The following PSMA8 variants were observed in gnomAD, a reference collection of about 807,000 sequenced individuals.
PSMA8 encodes proteasome subunit alpha-type 8.
PSMA8 carries 18 observed loss-of-function variants against 32.4 expected under a neutral mutation model. That is an observed-to-expected ratio of 0.56 (90% CI 0.38 to 0.82). PSMA8 has a LOEUF of 0.82. PSMA8 is among the 40% of genes least tolerant of loss of function. The probability of loss-of-function intolerance (pLI) is 0.00; values close to 1 mark genes in which losing one functional copy is unlikely to be tolerated. For synonymous variants in PSMA8, 104 were observed against 98.1 expected (o/e 1.06, Z -0.36); for missense variants, 298 against 300.7 (o/e 0.99, Z 0.07).
intron 4 of PSMA8, among the ~76,000 whole-genome samples, chr18:26,161,162 A>T (rs556773648): frequency 6.6e-6 from 1 of 152,182 alleles, no homozygotes; most frequent in African/African-American, 2.4e-5. Context: ...TGATAGAAAC[A>T]TCCTCCCCAC....
intron 4 of PSMA8, among the ~76,000 whole-genome samples, chr18:26,164,319 G>A (rs1330295803): frequency 6.6e-6 from 1 of 152,072 alleles, no homozygotes; most frequent in Admixed American, 6.6e-5. Context: ...GGAGAGGGAC[G>A]ATCAAGAATC....
At chr18:26,184,729 G>C (rs1013867480) in intron 6 of PSMA8, among the ~76,000 whole-genome samples, 2 of 143,832 alleles carry the variant, frequency 1.4e-5, no homozygotes, top group Admixed American at 1.4e-4. Context: ...TGTCGAGATA[G>C]CGCCACTGCA....
intron 1 of PSMA8, among the ~76,000 whole-genome samples, chr18:26,138,452 A>G (rs1259487428): frequency 6.6e-6 from 1 of 152,204 alleles, no homozygotes; most frequent in Non-Finnish European, 1.5e-5. Context: ...GTGAAAAGCC[A>G]ATATGCAAAG....
intron 4 of PSMA8, among the ~76,000 whole-genome samples, chr18:26,166,612 C>CT (rs1245371589): frequency 8.5e-5 from 13 of 152,226 alleles, no homozygotes; most frequent in African/African-American, 3.1e-4. Flanking sequence ...TGGTGAATGT[C>CT]TTGAGGAAAA....
rs1051575578 is a variant in PSMA8 at position 26,180,482 on chromosome 18, A to G, written c.660+1352A>G. ...AGCAAAGTTTCAATAAATAAGAGAA[A>G]TGGGGACAAGACAGTGGAGCTTGCC... On this transcript the variant is annotated intron_variant, in intron 6 of 6. Coordinates refer to ENST00000415576, the MANE Select transcript of PSMA8 (RefSeq NM_001025096.2). 2.6e-5 allele frequency among the ~76,000 whole-genome samples: 4 copies of G among 152,254 alleles called. No individual in the cohort carries two copies. In the South Asian group the frequency reaches 8.3e-4, roughly 32 times the overall value.
At chr18:26,141,680 C>CT (rs1417575620) in intron 1 of PSMA8, among the ~76,000 whole-genome samples, 2 of 122,676 alleles carry the variant, frequency 1.6e-5, no homozygotes, top group Non-Finnish European at 3.5e-5. Flanking sequence ...AAGCGTAGTT[C>CT]TTTTTTTTCT....
At chr18:26,186,165 C>G (rs890921365) in intron 6 of PSMA8, among the ~76,000 whole-genome samples, 1 of 141,812 alleles carries the variant, frequency 7.1e-6, no homozygotes, top group African/African-American at 2.6e-5. Context: ...AGGAGAATCA[C>G]TTGAACCTGG....
intron 6 of PSMA8, among the ~76,000 whole-genome samples, chr18:26,188,529 A>G (rs1373207475): frequency 6.6e-6 from 1 of 152,190 alleles, no homozygotes; most frequent in Non-Finnish European, 1.5e-5. Context: ...GACCCAGAAG[A>G]GCCAAAGCTG....
At chr18:26,183,464 T>C (rs114517867) in intron 6 of PSMA8, among the ~76,000 whole-genome samples, 4,891 of 150,620 alleles carry the variant, frequency 0.032, 317 homozygotes, top group African/African-American at 0.06. Flanking sequence ...ATTCCAACCC[T>C]TATGAATGAC....
intron 3 of PSMA8, among the ~76,000 whole-genome samples, chr18:26,154,862 G>A (rs1252719163): frequency 6.6e-6 from 1 of 152,044 alleles, no homozygotes; most frequent in East Asian, 1.9e-4. Context: ...TGATCTACCC[G>A]CCTCAGCCTT....
intron 1 of PSMA8, among the ~76,000 whole-genome samples, chr18:26,134,713 G>A (rs1345292184): frequency 6.6e-6 from 1 of 152,180 alleles, no homozygotes; most frequent in African/African-American, 2.4e-5. Context: ...CCAGCACTTT[G>A]GAAGGCCCAG....
intron 2 of PSMA8, among the ~76,000 whole-genome samples, chr18:26,149,483 A>C (rs888922836): frequency 1.3e-5 from 2 of 152,256 alleles, no homozygotes; most frequent in Non-Finnish European, 2.9e-5. Context: ...CAATTTTGAA[A>C]GAGAAGAGCC....
At chr18:26,166,944 G>A (rs2055185327) in intron 4 of PSMA8, among the ~76,000 whole-genome samples, 1 of 152,146 alleles carries the variant, frequency 6.6e-6, no homozygotes, top group African/African-American at 2.4e-5. Context: ...GAAATCACAT[G>A]GGTCAACATT....
rs142422142 is a variant in PSMA8 at position 26,138,813 on chromosome 18, T to C, written c.102+4746T>C. Reference sequence around the variant, plus strand: ...AAGCAGTATACTTGTTACAATTTGATGGTTATATGGATGGTGTTGACAGAG... The same window carrying C: ...AAGCAGTATACTTGTTACAATTTGACGGTTATATGGATGGTGTTGACAGAG... On this transcript the variant is annotated intron_variant, in intron 1 of 6. Coordinates refer to ENST00000415576, the MANE Select transcript of PSMA8 (RefSeq NM_001025096.2). Among the ~76,000 whole-genome samples, 216 of 152,288 alleles carry C rather than the reference T, an allele frequency of 1.4e-3. 1 individual carries two copies. The highest frequency in any genetic ancestry group is 3.4e-3 in the Middle Eastern group (1 of 292).
At chr18:26,173,981 C>T (rs2055245308) in intron 4 of PSMA8, among the ~76,000 whole-genome samples, 1 of 151,662 alleles carries the variant, frequency 6.6e-6, no homozygotes, top group African/African-American at 2.4e-5. Flanking sequence ...CTACTTGATT[C>T]TCAGCTAGAA....
In PSMA8 at chr18:26,192,034, A is replaced by C. The variant is rs531138287; in HGVS notation, c.661-285A>C. On this transcript the variant is annotated intron_variant, in intron 6 of 6. Transcript: ENST00000415576. ...GAATAAAATTAAGCCTCGCATTAAA[A>C]TGTTTTTGGAGTTATATGCACATAT... 2.0e-5 allele frequency among the ~76,000 whole-genome samples: 3 copies of C among 152,302 alleles called. No individual in the cohort carries two copies. In the East Asian group the frequency reaches 5.8e-4, roughly 29 times the overall value.
chr18:26,144,710 T>C, intron 2 of PSMA8, 25 bp downstream of exon 2: 1 of 1,611,614 alleles, frequency 6.2e-7, no homozygotes, highest in Non-Finnish European at 8.5e-7. Context: ...ACAATAATGA[T>C]GCATAGTGTC....
chr18:26,169,559 G>T lies in PSMA8; in HGVS notation c.478-9271G>T, dbSNP rs554809058. Among the ~76,000 whole-genome samples the T allele has an allele frequency of 2.0e-4, 26 of 129,698 alleles. 6 individuals carry two copies. The highest frequency in any genetic ancestry group is 1.2e-4 in the Non-Finnish European group (8 of 66,910). The allele number at this position is 129,698 out of a possible 152,430, so 85.1% of individuals were successfully genotyped here. ...TACTACATAAAAAGAATGAAGATGT[G>T]CCGGGTGTGGTGGCTCAAGCCGGTA... On this transcript the variant is annotated intron_variant, in intron 4 of 6. Transcript: ENST00000415576.
chr18:26,188,908 T>C (rs989661297), intron 6 of PSMA8, among the ~76,000 whole-genome samples: 6 of 151,866 alleles, frequency 4.0e-5, no homozygotes, highest in African/African-American at 1.2e-4. Flanking sequence ...TTGGAGAAAA[T>C]CCCCAGGACA....
Sources: gnomAD v4.1 joint callset for allele counts (sites outside exome capture counted in the v4.1 genomes callset) on GRCh38, gnomAD v4.1.1 for gene constraint, MANE v1.5 for transcripts, NCBI Gene and HGNC (gene_info 2026-07-23, HGNC 2026-07-21) for gene names.